Variants in INSYN2B observed in about 807,000 individuals in gnomAD.
INSYN2B encodes the protein inhibitory synaptic factor family member 2B, also known as protein INSYN2B.
A neutral mutation model predicts 41.2 loss-of-function variants in INSYN2B; 16 were observed. The observed-to-expected ratio is 0.39, with a 90% CI of 0.26 to 0.59. INSYN2B has a LOEUF of 0.59. INSYN2B is among the 20% of genes least tolerant of loss of function. INSYN2B has a pLI of 0.57. For synonymous variants in INSYN2B, 245 were observed against 244.4 expected, an observed-to-expected ratio of 1.00 and a Z score of -0.02; for missense variants, 608 against 646.4, an observed-to-expected ratio of 0.94 and a Z score of 0.64.
At chr5:169,894,644 G>T (rs981792229) in intron 1 of INSYN2B, among the ~76,000 whole-genome samples, 5 of 152,186 alleles carry the variant, frequency 3.3e-5, no homozygotes, top group Non-Finnish European at 7.3e-5. Context: ...GCGCATGACT[G>T]CAGTGCCATT....
At position 169,862,390 on chromosome 5, in the gene INSYN2B, C is replaced by T. The variant is rs1166200746; in HGVS notation, c.*1883G>A. Among the ~76,000 whole-genome samples the T allele has an allele frequency of 1.3e-5, 2 of 152,126 alleles. No homozygotes were observed. Among genetic ancestry groups the T allele is most frequent in the African/African-American group, 4.8e-5 (2 of 41,434 alleles). The stretch of plus-strand genomic sequence containing the variant: ...AGCAAAGCAAATTAAGATGGAAGCT[C>T]TACTACAAGATAAAATTACATAAGA... On this transcript the variant is annotated 3_prime_UTR_variant, in exon 4 of 4. Transcript: ENST00000377365.
chr5:169,865,235 C>T (rs1038819119), intron 3 of INSYN2B, among the ~76,000 whole-genome samples: 7 of 152,188 alleles, frequency 4.6e-5, no homozygotes, highest in Non-Finnish European at 8.8e-5. Context: ...CATTAACATA[C>T]GGACTGCATT....
intron 1 of INSYN2B, among the ~76,000 whole-genome samples, chr5:169,936,247 A>G (rs900655970): frequency 9.2e-5 from 14 of 152,364 alleles, no homozygotes; most frequent in Admixed American, 2.6e-4. Flanking sequence ...ACTTCCGTGC[A>G]TGGTTCTACA....
chr5:169,958,675 A>G (rs953945643), intron 1 of INSYN2B, among the ~76,000 whole-genome samples: 1 of 152,028 alleles, frequency 6.6e-6, no homozygotes, highest in African/African-American at 2.4e-5. Flanking sequence ...TTAGGCGTGG[A>G]GCTCTCTTGA....
intron 1 of INSYN2B, among the ~76,000 whole-genome samples, chr5:169,967,561 C>T (rs1311722917): frequency 1.3e-5 from 2 of 151,988 alleles, no homozygotes; most frequent in Non-Finnish European, 2.9e-5. Context: ...TGCAGGGAAC[C>T]GAACACCATG....
At position 169,899,345 on chromosome 5, in the gene INSYN2B, T is replaced by G. The variant is rs1186621867; in HGVS notation, c.-918-14529A>C. 2.0e-5 allele frequency among the ~76,000 whole-genome samples: 3 copies of G among 152,184 alleles called. No homozygotes were observed. The East Asian group carries it at 5.8e-4, about 29-fold the overall frequency. ...GAGACTTCTCTCACTCTCTGTAAAGTGCAGCCAATTCATATTCTTTCTCCA... is the reference window on the plus strand; with the variant it reads ...GAGACTTCTCTCACTCTCTGTAAAGGGCAGCCAATTCATATTCTTTCTCCA... On this transcript the variant is annotated intron_variant, in intron 1 of 3. Coordinates refer to ENST00000377365, the MANE Select transcript of INSYN2B (RefSeq NM_001129891.3).
chr5:169,941,623 T>G (rs965287424), intron 1 of INSYN2B, among the ~76,000 whole-genome samples: 3 of 152,204 alleles, frequency 2.0e-5, no homozygotes, highest in African/African-American at 7.2e-5. Flanking sequence ...GAATCTGGAC[T>G]TGATTAAACT....
At chr5:169,914,135 TG>T (rs1774752707) in intron 1 of INSYN2B, among the ~76,000 whole-genome samples, 1 of 152,214 alleles carries the variant, frequency 6.6e-6, no homozygotes, top group Non-Finnish European at 1.5e-5. Context: ...TTATACATCC[TG>T]AAGACAACCC....
intron 1 of INSYN2B, among the ~76,000 whole-genome samples, chr5:169,896,928 A>G (rs1306749464): frequency 1.3e-5 from 2 of 152,236 alleles, no homozygotes; most frequent in Admixed American, 1.3e-4. Context: ...CTGAGCATCA[A>G]CTTTGACGTG....
intron 3 of INSYN2B, among the ~76,000 whole-genome samples, chr5:169,864,735 C>G (rs1206012741): frequency 2.0e-5 from 3 of 152,124 alleles, no homozygotes; most frequent in African/African-American, 7.2e-5. Context: ...AATATTGGCT[C>G]CAGTCTCTCT....
chr5:169,881,549 C>T, intron 2 of INSYN2B, 107 bp from the exon 3 acceptor site: 3 of 815,686 alleles, frequency 3.7e-6, no homozygotes, highest in Non-Finnish European at 6.2e-6. Flanking sequence ...ATTCACGGTG[C>T]TCTGAAGTTG....
At chr5:169,935,367 GGAACCATCGCAGAGGCCTAGAA>G (rs1775939070) in intron 1 of INSYN2B, among the ~76,000 whole-genome samples, 7 of 152,120 alleles carry the variant, frequency 4.6e-5, no homozygotes, top group African/African-American at 1.7e-4. Flanking sequence ...CTGCTCCCAT[GGAACCATCGCAGAGGCCTAGAA>G]TGCCCTAGCT....
intron 1 of INSYN2B, among the ~76,000 whole-genome samples, chr5:169,890,189 C>T (rs1773202875): frequency 6.6e-6 from 1 of 152,186 alleles, no homozygotes; most frequent in African/African-American, 2.4e-5. Context: ...ATTTAGCTGG[C>T]CAGACATCTA....
intron 1 of INSYN2B, among the ~76,000 whole-genome samples, chr5:169,952,823 A>G (rs150727162): frequency 3.3e-5 from 5 of 152,318 alleles, no homozygotes; most frequent in African/African-American, 4.8e-5. Context: ...ACCAGAATAC[A>G]TAAGTGAGAA....
At chr5:169,949,390 G>A (rs1156537987) in intron 1 of INSYN2B, among the ~76,000 whole-genome samples, 2 of 152,158 alleles carry the variant, frequency 1.3e-5, no homozygotes, top group Non-Finnish European at 2.9e-5. Context: ...CATGTTCCTG[G>A]GGCTGCCTGA....
intron 1 of INSYN2B, among the ~76,000 whole-genome samples, chr5:169,945,234 G>T (rs1425646395): frequency 6.6e-6 from 1 of 152,232 alleles, no homozygotes; most frequent in African/African-American, 2.4e-5. Context: ...ACCTCTCCAG[G>T]ACTGTGTTAT....
intron 1 of INSYN2B, among the ~76,000 whole-genome samples, chr5:169,973,908 G>A (rs930530209): frequency 4.6e-5 from 7 of 151,960 alleles, no homozygotes; most frequent in African/African-American, 1.5e-4. Context: ...CTGTCCATCC[G>A]TCCATCATCC....
intron 3 of INSYN2B, among the ~76,000 whole-genome samples, chr5:169,879,230 G>A (rs1027623325): frequency 2.0e-5 from 3 of 152,220 alleles, no homozygotes; most frequent in Non-Finnish European, 4.4e-5. Flanking sequence ...GACATGCACT[G>A]AGCGCATCCA....
chr5:169,968,682 T>G (rs1404076289), intron 1 of INSYN2B, among the ~76,000 whole-genome samples: 4 of 152,214 alleles, frequency 2.6e-5, no homozygotes, highest in African/African-American at 7.2e-5. Context: ...TTTTCAATTT[T>G]ATCACAATTT....
Sources: allele counts gnomAD v4.1 joint callset (sites outside exome capture counted in the v4.1 genomes callset), GRCh38; gene constraint gnomAD v4.1.1; transcripts MANE v1.5; gene names NCBI Gene and HGNC (gene_info 2026-07-23, HGNC 2026-07-21).